The following GADL1 variants were observed in gnomAD, a reference collection of about 807,000 sequenced individuals.
GADL1 encodes acidic amino acid decarboxylase GADL1.
In GADL1, 71 loss-of-function variants were observed where a neutral mutation model predicts 69.5. That is an observed-to-expected ratio of 1.02 (90% CI 0.84 to 1.25). The LOEUF (loss-of-function observed/expected upper bound fraction) is 1.25. GADL1 is among the 50% of genes most tolerant of loss of function. GADL1 has a pLI of 0.00. For missense variants in GADL1, 737 were observed against 631.8 expected (o/e 1.17, Z -1.79); for synonymous variants, 254 against 214.4 (o/e 1.18, Z -1.62).
Position 30,727,359 on chromosome 3 carries a change from GTCAATTATTGTGCTT to G in GADL1, c.*868_*882del, listed in dbSNP as rs1404312618. 1.3e-5 allele frequency: 2 copies of G among 149,026 alleles called. No individual in the cohort carries two copies. Among genetic ancestry groups the G allele is most frequent in the Non-Finnish European group, 3.0e-5 (2 of 67,384 alleles). 9.2% of individuals were successfully genotyped at this position (149,026 alleles called of 1,614,324 possible). On this transcript the variant is annotated 3_prime_UTR_variant, in exon 15 of 15. Coordinates refer to ENST00000282538, the MANE Select transcript of GADL1 (RefSeq NM_207359.3). ...TTATTAATAGAACCTGTATTTTTCT[GTCAATTATTGTGCTT>G]TCAATTATTGTGCTTTGAATTATAT... is the stretch of plus-strand genomic sequence containing the variant.
intron 4 of GADL1, among the ~76,000 whole-genome samples, chr3:30,851,210 A>G (rs1698141702): frequency 6.6e-6 from 1 of 152,194 alleles, no homozygotes; most frequent in Non-Finnish European, 1.5e-5. Flanking sequence ...GGAGCAATAA[A>G]GGCAATGCAT....
At chr3:30,893,972 C>G (rs148698714) in intron 1 of GADL1, among the ~76,000 whole-genome samples, 32 of 152,308 alleles carry the variant, frequency 2.1e-4, no homozygotes, top group Non-Finnish European at 1.2e-4. Context: ...ATAATGATAA[C>G]CTTTCAAAGA....
chr3:30,733,235 C>T (rs1001231014), intron 14 of GADL1, among the ~76,000 whole-genome samples: 10 of 152,238 alleles, frequency 6.6e-5, no homozygotes, highest in Admixed American at 6.5e-4. Flanking sequence ...GTTAAGGTTG[C>T]TATAAAAGTT....
chr3:30,785,395 T>TTTTC (rs1553638920), intron 13 of GADL1, among the ~76,000 whole-genome samples: 24 of 149,756 alleles, frequency 1.6e-4, no homozygotes, highest in African/African-American at 5.1e-4. Context: ...TTTTTTTTTT[T>TTTTC]CCCCCCGAGA....
At chr3:30,803,530 G>GA (rs1345731177) in intron 11 of GADL1, among the ~76,000 whole-genome samples, 5 of 152,212 alleles carry the variant, frequency 3.3e-5, no homozygotes, top group African/African-American at 1.2e-4. Context: ...GATTGAAAGG[G>GA]AGAGGACGCT....
rs1166130793 is a variant in GADL1, at chr3:30,726,617, A to G, written c.*1625T>C. The G allele has an allele frequency of 6.6e-6, 1 of 152,126 alleles. No individual in the cohort carries two copies. The highest frequency in any genetic ancestry group is 2.4e-5 in the African/African-American group (1 of 41,442). The allele number at this position is 152,126 out of a possible 1,614,324, so 9.4% of individuals were successfully genotyped here. A position where few individuals can be genotyped will look rare whatever the true frequency, so the allele number is the denominator to read the frequency against. ...ACACTAAAATGAAAATAAGCAATAA[A>G]AGCAAATAGTACTCAAAATTTAAAT... On this transcript the variant is annotated 3_prime_UTR_variant, in exon 15 of 15. Transcript: ENST00000282538.
chr3:30,794,408 C>CA (rs1475335771), intron 12 of GADL1, among the ~76,000 whole-genome samples: 1 of 151,220 alleles, frequency 6.6e-6, no homozygotes, highest in East Asian at 1.9e-4. Context: ...GTGCCCTCAG[C>CA]AACAGGTAAC....
intron 11 of GADL1, among the ~76,000 whole-genome samples, chr3:30,823,954 A>G (rs577136843): frequency 1.6e-4 from 25 of 151,984 alleles, no homozygotes; most frequent in African/African-American, 5.5e-4. Flanking sequence ...AAACAAAATT[A>G]AGGAACATAC....
At position 30,844,283 on chromosome 3, in the gene GADL1, A is replaced by G; in HGVS notation, c.732-19T>C. On this transcript the variant is annotated intron_variant, in intron 7 of 14. Transcript: ENST00000282538. ...TTTACCTCTAAGGGACAAAGATTTG[A>G]GACTTTCAGTTATGTTTAGTAATTA... is the stretch of plus-strand genomic sequence containing the variant. 3.7e-6 allele frequency: 6 copies of G among 1,607,472 alleles called. No individual in the cohort carries two copies. In the South Asian group the frequency reaches 6.6e-5, roughly 18 times the overall value.
At chr3:30,758,548 C>T (rs879755016) in intron 14 of GADL1, among the ~76,000 whole-genome samples, 4 of 152,254 alleles carry the variant, frequency 2.6e-5, no homozygotes, top group East Asian at 1.9e-4. Context: ...GTTGAGAGGA[C>T]TCTAAATGAG....
chr3:30,765,909 C>A (rs538376997), intron 14 of GADL1, among the ~76,000 whole-genome samples: 2 of 151,976 alleles, frequency 1.3e-5, no homozygotes, highest in African/African-American at 4.8e-5. Flanking sequence ...TCCCAACTCC[C>A]CTCCCAAATA....
intron 14 of GADL1, among the ~76,000 whole-genome samples, chr3:30,753,487 C>T (rs949670198): frequency 1.4e-5 from 2 of 141,642 alleles, no homozygotes; most frequent in African/African-American, 5.5e-5. Flanking sequence ...CCTAAAAAAC[C>T]AAATTTAAGG....
chr3:30,756,097 CCAG>C (rs1695963711), intron 14 of GADL1, among the ~76,000 whole-genome samples: 2 of 152,134 alleles, frequency 1.3e-5, no homozygotes, highest in Non-Finnish European at 2.9e-5. Context: ...CAGCAGGGAA[CCAG>C]CAGCAGCAGA....
At chr3:30,864,893 C>G (rs946831640) in intron 1 of GADL1, among the ~76,000 whole-genome samples, 3 of 151,980 alleles carry the variant, frequency 2.0e-5, no homozygotes, top group African/African-American at 7.2e-5. Context: ...CCTTTCTTCG[C>G]CCTTTCCCCT....
intron 14 of GADL1, among the ~76,000 whole-genome samples, chr3:30,729,317 G>A (rs1036834319): frequency 1.3e-5 from 2 of 152,142 alleles, no homozygotes; most frequent in Non-Finnish European, 2.9e-5. Context: ...AAAATATTAA[G>A]AATGCATTTT....
chr3:30,758,755 T>G (rs1297495800), intron 14 of GADL1, among the ~76,000 whole-genome samples: 1 of 151,380 alleles, frequency 6.6e-6, no homozygotes, highest in Non-Finnish European at 1.5e-5. Context: ...AAGCAAGTAT[T>G]TATTTATTGC....
At chr3:30,795,044 C>T (rs4955328) in intron 12 of GADL1, among the ~76,000 whole-genome samples, 16,497 of 152,144 alleles carry the variant, frequency 0.11, 1,866 homozygotes, top group East Asian at 0.48. Flanking sequence ...CTGCCAATAA[C>T]GTGCTCCTCA....
In GADL1 at chr3:30,774,009, A is replaced by AT. The variant is rs140188371; in HGVS notation, c.1392+4169dup. 5.4e-3 allele frequency among the ~76,000 whole-genome samples: 815 copies of AT among 152,258 alleles called. 6 individuals are homozygous for AT. Among genetic ancestry groups the AT allele is most frequent in the African/African-American group, 0.019 (786 of 41,542 alleles). ...AGTGTTTCCTAACTCCTCTGGCCCA[A>AT]TTTACTCAGACATGGAGAGCTTTGG... On this transcript the variant is annotated intron_variant, in intron 14 of 14. Coordinates refer to ENST00000282538, the MANE Select transcript of GADL1 (RefSeq NM_207359.3).
rs201974837 is a variant in GADL1 at position 30,728,388 on chromosome 3, T to C, written c.1420A>G (p.Met474Val). The C allele has an allele frequency of 2.6e-5, 42 of 1,613,660 alleles. No individual in the cohort carries two copies. The highest frequency in any genetic ancestry group is 3.5e-5 in the Non-Finnish European group (41 of 1,179,812). The change falls in exon 15 of 15, where the codon ATG becomes GTG. Residue 474 changes from methionine (M) to valine (V), a missense_variant. Met to Val is a conservative substitution (Grantham distance 21). Coordinates refer to ENST00000282538, the MANE Select transcript of GADL1 (RefSeq NM_207359.3). ...LVAPAIKERMMKKGSLMLGYQ... is the reference protein window; with the variant it reads ...LVAPAIKERMVKKGSLMLGYQ... ...CCCAGCATCAAGCTTCCCTTCTTCA[T>C]CATCCTCTCCTTAATGGCTGGGGCC...
Sources: gnomAD v4.1 joint callset for allele counts (sites outside exome capture counted in the v4.1 genomes callset) on GRCh38, gnomAD v4.1.1 for gene constraint, MANE v1.5 for transcripts, NCBI Gene and HGNC (gene_info 2026-07-23, HGNC 2026-07-21) for gene names.